The following BCAT1 variants were observed in gnomAD, a reference collection of about 807,000 sequenced individuals.
The protein encoded by BCAT1 is branched chain amino acid transaminase 1.
Under a neutral mutation model 52.4 loss-of-function variants are expected in BCAT1, and 48 were observed. The ratio of observed to expected loss-of-function variants is 0.92; its 90% CI spans 0.73 to 1.16. The LOEUF is 1.16. Among genes scored for constraint, BCAT1 ranks in the 50% most tolerant of loss-of-function variants. The pLI is 0.00. For synonymous variants in BCAT1, 167 were observed against 161.3 expected (o/e 1.04, Z -0.27); for missense variants, 451 against 457.1 (o/e 0.99, Z 0.12).
intron 1 of BCAT1, among the ~76,000 whole-genome samples, chr12:24,918,215 G>A (rs983004385): frequency 2.0e-5 from 3 of 152,198 alleles, no homozygotes; most frequent in Admixed American, 1.3e-4. Context: ...CTAGTCAGCA[G>A]TTTATACAGC....
chr12:24,853,640 C>G (rs1941581436), intron 5 of BCAT1, among the ~76,000 whole-genome samples: 1 of 151,940 alleles, frequency 6.6e-6, no homozygotes, highest in Non-Finnish European at 1.5e-5. Flanking sequence ...TTGTTTCACA[C>G]AAGAGTATTT....
intron 3 of BCAT1, among the ~76,000 whole-genome samples, chr12:24,891,168 T>C (rs1019156739): frequency 6.6e-6 from 1 of 152,280 alleles, no homozygotes; most frequent in Admixed American, 6.5e-5. Flanking sequence ...TTTTGGGCCC[T>C]AGGTCAGCAC....
In BCAT1 at chr12:24,907,714, T is replaced by TG. The variant is rs532732327; in HGVS notation, c.7-5830dup. 2.3e-4 allele frequency among the ~76,000 whole-genome samples: 35 copies of TG among 152,318 alleles called. No homozygotes were observed. In the South Asian group the frequency reaches 7.3e-3, roughly 32 times the overall value. On this transcript the variant is annotated intron_variant, in intron 1 of 10. Transcript: ENST00000261192. ...ATCCTTCCCTGCCCTTAAGGTACTT[T>TG]GTAATATTCTCCTCGCCCTTGAGAA...
chr12:24,844,329 G>A (rs1456050579), intron 6 of BCAT1, among the ~76,000 whole-genome samples: 2 of 152,162 alleles, frequency 1.3e-5, no homozygotes, highest in African/African-American at 4.8e-5. Flanking sequence ...TACTCTGGAG[G>A]CTGAGGCAGG....
chr12:24,909,169 T>C lies in BCAT1; in HGVS notation c.7-7284A>G, dbSNP rs1190245072. On this transcript the variant is annotated intron_variant, in intron 1 of 10. Transcript: ENST00000261192. ...TCTAGTGTTTCTAGGTTTTTGTTTGTTTAATAAAGTTTCTTTAAAAAAAAT... is the reference window on the plus strand; with the variant it reads ...TCTAGTGTTTCTAGGTTTTTGTTTGCTTAATAAAGTTTCTTTAAAAAAAAT... Among the ~76,000 whole-genome samples, 4 of 152,312 alleles carry C rather than the reference T, an allele frequency of 2.6e-5. No individual in the cohort carries two copies. The East Asian group carries it at 5.8e-4, about 22-fold the overall frequency.
At position 24,810,943 on chromosome 12, in the gene BCAT1, TA is replaced by T. The variant is rs997859871; in HGVS notation, c.*7064del. 6.6e-6 allele frequency: 1 copy of T among 152,198 alleles called. No homozygotes were observed. The highest frequency in any genetic ancestry group is 2.4e-5 in the African/African-American group (1 of 41,460). 9.4% of individuals were successfully genotyped at this position (152,198 alleles called of 1,614,324 possible). On this transcript the variant is annotated 3_prime_UTR_variant, in exon 11 of 11. Transcript: ENST00000261192. ...GAAGATCTCTAGGCCTTTTACTTTT[TA>T]AAGTGTCTTTTATTCTAAAGCTAGT...
chr12:24,827,300 C>T (rs1008644309), intron 10 of BCAT1, among the ~76,000 whole-genome samples: 6 of 128,250 alleles, frequency 4.7e-5, no homozygotes, highest in African/African-American at 1.5e-4. Context: ...AATTAAAATG[C>T]CTAAGCCATC....
At chr12:24,881,006 T>G (rs941868267) in intron 4 of BCAT1, among the ~76,000 whole-genome samples, 5 of 152,192 alleles carry the variant, frequency 3.3e-5, no homozygotes. Flanking sequence ...GGCTAATTTT[T>G]GTATTTTTTG....
chr12:24,844,824 G>A (rs1308782678), intron 6 of BCAT1, among the ~76,000 whole-genome samples: 1 of 146,554 alleles, frequency 6.8e-6, no homozygotes, highest in Non-Finnish European at 1.5e-5. Flanking sequence ...GTGAACCCGG[G>A]AGGTGGAGCT....
intron 10 of BCAT1, among the ~76,000 whole-genome samples, chr12:24,820,953 G>T (rs1002524347): frequency 2.6e-5 from 4 of 152,094 alleles, no homozygotes; most frequent in Non-Finnish European, 4.4e-5. Context: ...TGTCATTCTT[G>T]CTCTAAACCC....
chr12:24,944,904 T>C (rs1410576799), intron 1 of BCAT1, among the ~76,000 whole-genome samples: 1 of 152,220 alleles, frequency 6.6e-6, no homozygotes, highest in Non-Finnish European at 1.5e-5. Flanking sequence ...TTTTGGGACA[T>C]AACTGTCTCT....
rs918533639 is a variant in BCAT1 at position 24,849,723 on chromosome 12, A to C, written c.674+63T>G. ...TTATATGTGTTCATACTGAAGTGAAATGGCACTAACTAAATGGTCATGAAG... is the reference window on the plus strand; with the variant it reads ...TTATATGTGTTCATACTGAAGTGAACTGGCACTAACTAAATGGTCATGAAG... On this transcript the variant is annotated intron_variant, in intron 6 of 10. Coordinates refer to ENST00000261192, the MANE Select transcript of BCAT1 (RefSeq NM_005504.7). The C allele has an allele frequency of 1.1e-5, 16 of 1,489,902 alleles. No homozygotes were observed. In the South Asian group the frequency reaches 2.1e-4, roughly 20 times the overall value. 92.3% of individuals were successfully genotyped at this position (1,489,902 alleles called of 1,614,324 possible). A position where few individuals can be genotyped will look rare whatever the true frequency, so the allele number is the denominator to read the frequency against.
chr12:24,823,372 C>T (rs1940229987), intron 10 of BCAT1, among the ~76,000 whole-genome samples: 1 of 152,178 alleles, frequency 6.6e-6, no homozygotes, highest in African/African-American at 2.4e-5. Flanking sequence ...CCATGCCTGG[C>T]CACCTTCTTC....
intron 1 of BCAT1, among the ~76,000 whole-genome samples, chr12:24,912,719 G>A (rs898168182): frequency 6.8e-6 from 1 of 146,582 alleles, no homozygotes; most frequent in African/African-American, 2.5e-5. Flanking sequence ...AAAAAAAAAT[G>A]GAGAACGTGG....
intron 10 of BCAT1, 97 bp from the exon 11 acceptor site, chr12:24,818,146 T>A: frequency 8.1e-7 from 1 of 1,227,386 alleles, no homozygotes; most frequent in East Asian, 2.4e-5. Flanking sequence ...ACACAAAAGG[T>A]TCGCTTCTGC....
intron 1 of BCAT1, among the ~76,000 whole-genome samples, chr12:24,946,209 G>C (rs17375619): frequency 0.082 from 12,482 of 152,220 alleles, 694 homozygotes; most frequent in Admixed American, 0.13. Flanking sequence ...AGCCCTCTCA[G>C]TTAGGTTAAT....
intron 10 of BCAT1, among the ~76,000 whole-genome samples, chr12:24,824,195 T>C (rs1940275856): frequency 6.6e-6 from 1 of 151,890 alleles, no homozygotes; most frequent in African/African-American, 2.4e-5. Context: ...TTTCCTTTTC[T>C]ATTAATCCTT....
chr12:24,891,807 G>C (rs979237899), intron 3 of BCAT1, among the ~76,000 whole-genome samples: 1 of 151,298 alleles, frequency 6.6e-6, no homozygotes, highest in African/African-American at 2.4e-5. Context: ...GGAGTGCAGC[G>C]GCGTGATCTC....
intron 10 of BCAT1, among the ~76,000 whole-genome samples, chr12:24,829,170 G>T (rs1940538625): frequency 6.6e-6 from 1 of 151,956 alleles, no homozygotes; most frequent in South Asian, 2.1e-4. Flanking sequence ...GATTACCTTA[G>T]GTCAGGAGTT....
Sources: allele counts gnomAD v4.1 joint callset (sites outside exome capture counted in the v4.1 genomes callset), GRCh38; gene constraint gnomAD v4.1.1; transcripts MANE v1.5; gene names NCBI Gene and HGNC (gene_info 2026-07-23, HGNC 2026-07-21).